UXS1: variants seen among roughly 807,000 people sequenced by gnomAD.
The protein encoded by UXS1 is UDP-glucuronic acid decarboxylase 1.
In UXS1, 33 loss-of-function variants were observed where a neutral mutation model predicts 62.6. The ratio of observed to expected loss-of-function variants is 0.53; its 90% confidence interval spans 0.40 to 0.70. UXS1 has a LOEUF of 0.70. UXS1 is among the 30% of genes least tolerant of loss of function. UXS1 has a pLI of 0.00. For missense variants in UXS1, 434 were observed against 556.3 expected (o/e 0.78, Z 2.21); for synonymous variants, 213 against 206.8 (o/e 1.03, Z -0.26).
intron 8 of UXS1, among the ~76,000 whole-genome samples, chr2:106,123,799 C>G (rs1679716424): frequency 6.6e-6 from 1 of 152,178 alleles, no homozygotes; most frequent in Non-Finnish European, 1.5e-5. Context: ...ATTTAGTACA[C>G]CAAGAATTTT....
intron 14 of UXS1, among the ~76,000 whole-genome samples, chr2:106,095,539 C>T (rs772598988): frequency 6.6e-6 from 1 of 152,228 alleles, no homozygotes; most frequent in Non-Finnish European, 1.5e-5. Flanking sequence ...CTCTCAACTG[C>T]GTCCCTGACT....
At chr2:106,094,438 C>T (rs1249611729) in intron 14 of UXS1, among the ~76,000 whole-genome samples, 2 of 152,122 alleles carry the variant, frequency 1.3e-5, no homozygotes, top group East Asian at 1.9e-4. Flanking sequence ...CAAAAGACCC[C>T]GACTACCTCT....
Position 106,119,535 on chromosome 2 carries a change from C to T in UXS1, c.759+3435G>A, listed in dbSNP as rs561547024. Among the ~76,000 whole-genome samples, 5 of 152,294 alleles carry T rather than the reference C, an allele frequency of 3.3e-5. 1 individual carries two copies. Among genetic ancestry groups the T allele is most frequent in the African/African-American group, 1.2e-4 (5 of 41,554 alleles). On this transcript the variant is annotated intron_variant, in intron 9 of 14. Coordinates refer to ENST00000283148, the MANE Select transcript of UXS1 (RefSeq NM_001253875.2). Reference sequence around the variant, plus strand: ...TTCCAGCCCCCAGTTCCTGCTCTCTCGCAACACCCACAGCAGGCACGCAGA... The same window carrying T: ...TTCCAGCCCCCAGTTCCTGCTCTCTTGCAACACCCACAGCAGGCACGCAGA...
chr2:106,125,764 G>A, intron 7 of UXS1, 85 bp from the exon 8 acceptor site: 1 of 1,188,800 alleles, frequency 8.4e-7, no homozygotes, highest in Non-Finnish European at 1.2e-6. Context: ...CAATGTTTTA[G>A]TATTAAAGAC....
chr2:106,178,310 G>C (rs962667434), intron 1 of UXS1, among the ~76,000 whole-genome samples: 2 of 152,136 alleles, frequency 1.3e-5, no homozygotes, highest in African/African-American at 4.8e-5. Flanking sequence ...GAGTTCTCCA[G>C]AACAATCTGG....
At chr2:106,193,737 C>G (rs964923018) in intron 1 of UXS1, among the ~76,000 whole-genome samples, 1 of 152,218 alleles carries the variant, frequency 6.6e-6, no homozygotes, top group African/African-American at 2.4e-5. Context: ...TCCGACTTAA[C>G]CGACACCGCG....
Position 106,104,796 on chromosome 2 carries a change from GACGT to G in UXS1, c.917_920del (p.Tyr306SerfsTer4), listed in dbSNP as rs1677914024. Reference sequence around the variant, plus strand: ...GGGGCAGGGCAGGACAGTCTTACCTGACGTACTGGAACGCCCTTGTCTGAGACCC... The same window carrying G: ...GGGGCAGGGCAGGACAGTCTTACCTGACTGGAACGCCCTTGTCTGAGACCC... On this transcript the variant is annotated frameshift_variant, in exon 11 of 15. Coordinates refer to ENST00000283148, the MANE Select transcript of UXS1 (RefSeq NM_001253875.2). LOFTEE classifies it high-confidence loss of function. The G allele has an allele frequency of 1.2e-6, 2 of 1,614,010 alleles. No individual in the cohort carries two copies. Among genetic ancestry groups the G allele is most frequent in the East Asian group, 4.5e-5 (2 of 44,878 alleles).
intron 9 of UXS1, among the ~76,000 whole-genome samples, chr2:106,114,405 G>A (rs1164546942): frequency 1.3e-5 from 2 of 152,200 alleles, no homozygotes; most frequent in Non-Finnish European, 2.9e-5. Context: ...TAAAAAGGGT[G>A]GGGAGCAGAG....
intron 1 of UXS1, among the ~76,000 whole-genome samples, chr2:106,168,130 C>T (rs1278406873): frequency 6.6e-6 from 1 of 152,184 alleles, no homozygotes; most frequent in Non-Finnish European, 1.5e-5. Flanking sequence ...CATTGCACTC[C>T]AGCCTGGGCA....
At chr2:106,170,359 T>C (rs1014349225) in intron 1 of UXS1, among the ~76,000 whole-genome samples, 1 of 152,208 alleles carries the variant, frequency 6.6e-6, no homozygotes, top group Non-Finnish European at 1.5e-5. Context: ...CAAGGTCTGC[T>C]GCATGTTTTG....
intron 6 of UXS1, among the ~76,000 whole-genome samples, chr2:106,141,557 A>C (rs1681096994): frequency 6.7e-6 from 1 of 150,182 alleles, no homozygotes; most frequent in Non-Finnish European, 1.5e-5. Context: ...TCCTGGGCTC[A>C]AGTAATCCTC....
intron 2 of UXS1, among the ~76,000 whole-genome samples, chr2:106,165,846 T>C (rs1169162167): frequency 2.6e-5 from 4 of 152,230 alleles, no homozygotes; most frequent in African/African-American, 9.6e-5. Context: ...GTTTTACTTG[T>C]GGGCCTTACT....
At chr2:106,143,439 GGT>G (rs1681308287) in intron 6 of UXS1, among the ~76,000 whole-genome samples, 2 of 60,432 alleles carry the variant, frequency 3.3e-5, no homozygotes, top group Non-Finnish European at 7.5e-5. Flanking sequence ...AAAAAAAAAA[GGT>G]ATAATTTGGG....
intron 5 of UXS1, among the ~76,000 whole-genome samples, chr2:106,146,163 T>C (rs1469638421): frequency 2.0e-5 from 3 of 152,178 alleles, no homozygotes; most frequent in African/African-American, 7.2e-5. Context: ...ATAAAGGGAA[T>C]TTCATCTGGG....
chr2:106,137,634 A>T (rs1271883794), intron 6 of UXS1, among the ~76,000 whole-genome samples: 8 of 143,278 alleles, frequency 5.6e-5, no homozygotes, highest in African/African-American at 7.7e-5. Flanking sequence ...CTAAAAATAT[A>T]AAAAAAAAAA....
chr2:106,107,520 G>A lies in UXS1; in HGVS notation c.880-2683C>T, dbSNP rs774766604. 3.9e-5 allele frequency among the ~76,000 whole-genome samples: 6 copies of A among 152,288 alleles called. No homozygotes were observed. The East Asian group carries it at 5.8e-4, about 15-fold the overall frequency. ...TACATGCTGGGTAAGCCCCCCGACC[G>A]GGATGGGTTAACTAGGCTGCCAGGG... On this transcript the variant is annotated intron_variant, in intron 10 of 14. Transcript: ENST00000283148.
chr2:106,153,909 T>C (rs1682229110), intron 5 of UXS1, among the ~76,000 whole-genome samples: 1 of 152,196 alleles, frequency 6.6e-6, no homozygotes, highest in African/African-American at 2.4e-5. Context: ...CAAATTGAAT[T>C]CTGGAGTTGA....
intron 1 of UXS1, among the ~76,000 whole-genome samples, chr2:106,185,096 C>T (rs2105117620): frequency 6.6e-6 from 1 of 152,310 alleles, no homozygotes; most frequent in African/African-American, 2.4e-5. Context: ...AAGACTCCTG[C>T]TCCTGGCATT....
intron 1 of UXS1, among the ~76,000 whole-genome samples, chr2:106,179,043 G>C (rs1268765718): frequency 6.6e-6 from 1 of 152,120 alleles, no homozygotes; most frequent in Non-Finnish European, 1.5e-5. Context: ...CCTTTGCTCT[G>C]TGCAGCAAAG....
Sources: allele counts gnomAD v4.1 joint callset (sites outside exome capture counted in the v4.1 genomes callset), GRCh38; gene constraint gnomAD v4.1.1; transcripts MANE v1.5; gene names NCBI Gene and HGNC (gene_info 2026-07-23, HGNC 2026-07-21).